The following DMD variants were observed in gnomAD, a reference collection of about 807,000 sequenced individuals.
DMD encodes the protein mutant dystrophin.
DMD carries 63 observed loss-of-function variants against 330.1 expected under a neutral mutation model. The ratio of observed to expected loss-of-function variants is 0.19; its 90% CI spans 0.16 to 0.24. The LOEUF is 0.24. Ranked by LOEUF, DMD falls within the 10% of genes least tolerant of loss-of-function variation. DMD has a pLI of 1.00. For synonymous variants in DMD, 1,223 were observed against 959.8 expected (o/e 1.27, Z -5.07); for missense variants, 3,344 against 2,684.1 (o/e 1.25, Z -5.43).
intron 55 of DMD, among the ~76,000 whole-genome samples, chrX:31,606,615 G>A (rs776730240): frequency 9.9e-5 from 11 of 111,477 alleles, no homozygotes; most frequent in East Asian, 5.7e-4. Flanking sequence ...TAAAACCCAC[G>A]GCTTTTATTT....
intron 29 of DMD, among the ~76,000 whole-genome samples, chrX:32,431,370 T>A (rs368163653): frequency 8.9e-6 from 1 of 111,833 alleles, no homozygotes; most frequent in African/African-American, 3.2e-5. Context: ...TAGGTCTTCA[T>A]TGAAGAAATG....
intron 44 of DMD, 69 bp from the exon 45 acceptor site, chrX:31,968,583 A>C: frequency 9.3e-7 from 1 of 1,074,715 alleles, no homozygotes; most frequent in Non-Finnish European, 1.3e-6. Context: ...AAGATTAAAC[A>C]GTGTGCTACC....
chrX:31,560,549 C>T (rs1357241488), intron 55 of DMD, among the ~76,000 whole-genome samples: 1 of 111,104 alleles, frequency 9.0e-6, no homozygotes, highest in African/African-American at 3.3e-5. Context: ...ACTTATATTA[C>T]GGATAGGGAC....
rs778284487 is a variant in DMD at position 33,216,718 on chromosome X, A to G, written c.7+122541T>C. 6.2e-5 allele frequency among the ~76,000 whole-genome samples: 7 copies of G among 112,124 alleles called. No individual in the cohort carries two copies. The East Asian group carries it at 2.0e-3, about 31-fold the overall frequency. On this transcript the variant is annotated intron_variant, in intron 1 of 17. Coordinates refer to the DMD transcript ENST00000288447. ...AATTTTTATTACAGTGAACTCATAC[A>G]CATTTTTTTAAATTACTTTTTTTTG...
chrX:32,056,712 C>A (rs1792883084), intron 44 of DMD, among the ~76,000 whole-genome samples: 1 of 110,852 alleles, frequency 9.0e-6, no homozygotes, highest in African/African-American at 3.3e-5. Context: ...GAATTAACAC[C>A]AATCCTTCTC....
At position 31,786,171 on chromosome X, in the gene DMD, C is replaced by A. The variant is rs980422909; in HGVS notation, c.7310-11979G>T. 3.6e-5 allele frequency among the ~76,000 whole-genome samples: 4 copies of A among 111,549 alleles called. No individual in the cohort carries two copies. The East Asian group carries it at 8.5e-4, about 24-fold the overall frequency. On this transcript the variant is annotated intron_variant, in intron 50 of 78. Coordinates refer to ENST00000357033, the MANE Select transcript of DMD (RefSeq NM_004006.3). Reference sequence around the variant, plus strand: ...ACTGATGTGAGATGGTATCTCATTGCGGTTTTGATTTGCATTTCTCTAATG... The same window carrying A: ...ACTGATGTGAGATGGTATCTCATTGAGGTTTTGATTTGCATTTCTCTAATG...
chrX:31,883,162 T>G, intron 47 of DMD, among the ~76,000 whole-genome samples: 1 of 111,691 alleles, frequency 9.0e-6, no homozygotes, highest in South Asian at 3.8e-4. Flanking sequence ...GCACAGGCAA[T>G]AGCATAGAAT....
At chrX:32,622,987 C>T (rs996113206) in intron 11 of DMD, among the ~76,000 whole-genome samples, 2 of 111,479 alleles carry the variant, frequency 1.8e-5, no homozygotes, top group South Asian at 3.8e-4. Flanking sequence ...GGTATGTGTT[C>T]GATCTATTAG....
At chrX:32,412,050 G>T in intron 29 of DMD, 137 bp from the exon 30 acceptor site, 1 of 1,189,973 alleles carries the variant, frequency 8.4e-7, no homozygotes, top group Non-Finnish European at 1.1e-6. Context: ...CAGCTTCCTG[G>T]CACTCATTCA....
intron 1 of DMD, among the ~76,000 whole-genome samples, chrX:33,082,783 T>C (rs1162961548): frequency 8.9e-6 from 1 of 111,989 alleles, no homozygotes; most frequent in Non-Finnish European, 1.9e-5. Flanking sequence ...CAGAGAAATT[T>C]CATAGAGTAT....
intron 62 of DMD, among the ~76,000 whole-genome samples, chrX:31,293,140 C>T: frequency 1.2e-5 from 1 of 85,209 alleles, no homozygotes. Context: ...TTCTCTCTCT[C>T]TCTCTCACCA....
rs187986079 is a variant in DMD, at chrX:32,580,097, A to G, written c.1603-6251T>C. Among the ~76,000 whole-genome samples the G allele has an allele frequency of 2.9e-3, 319 of 109,869 alleles. 1 individual carries two copies. The highest frequency in any genetic ancestry group is 5.0e-3 in the Non-Finnish European group (263 of 52,672). ...TCAATTGGGATACCAGAAAATAAAG[A>G]GCAGGAGTTCTAAGGAGCATTCCAG... On this transcript the variant is annotated intron_variant, in intron 13 of 78. Transcript: ENST00000357033.
intron 9 of DMD, among the ~76,000 whole-genome samples, chrX:32,678,656 T>A (rs2062141448): frequency 9.0e-6 from 1 of 111,215 alleles, no homozygotes; most frequent in Non-Finnish European, 1.9e-5. Context: ...TGTGATCCCT[T>A]CTCTACTCCT....
chrX:32,734,540 G>T (rs1254650650), intron 7 of DMD, among the ~76,000 whole-genome samples: 1 of 104,935 alleles, frequency 9.5e-6, no homozygotes, highest in Non-Finnish European at 1.9e-5. Context: ...AACGAATCCA[G>T]CAGCACATCA....
At chrX:32,088,824 T>C (rs986001471) in intron 44 of DMD, among the ~76,000 whole-genome samples, 4 of 110,602 alleles carry the variant, frequency 3.6e-5, no homozygotes, top group African/African-American at 9.9e-5. Context: ...ATGACACATA[T>C]AAATAAACCA....
chrX:31,755,261 T>C (rs1320683195), intron 51 of DMD, among the ~76,000 whole-genome samples: 2 of 112,219 alleles, frequency 1.8e-5, no homozygotes, highest in African/African-American at 6.5e-5. Context: ...TTGAGAGCAA[T>C]TCCTCATCTC....
At chrX:32,304,585 A>G (rs771997035) in intron 42 of DMD, among the ~76,000 whole-genome samples, 1 of 111,499 alleles carries the variant, frequency 9.0e-6, no homozygotes, top group East Asian at 2.8e-4. Flanking sequence ...CTTTTCATAT[A>G]ATACAAATGA....
intron 59 of DMD, among the ~76,000 whole-genome samples, chrX:31,458,898 G>T (rs1251556237): frequency 9.0e-6 from 1 of 110,665 alleles, no homozygotes; most frequent in Non-Finnish European, 1.9e-5. Flanking sequence ...AAAAAAAATT[G>T]AGATGGTTCC....
chrX:31,147,235 G>T, intron 75 of DMD, 40 bp downstream of exon 75: 4 of 1,209,687 alleles, frequency 3.3e-6, no homozygotes, highest in Non-Finnish European at 4.5e-6. Context: ...GTTTAAGAGG[G>T]AAAAATGAAT....
Sources: gnomAD v4.1 joint callset for allele counts (sites outside exome capture counted in the v4.1 genomes callset) on GRCh38, gnomAD v4.1.1 for gene constraint, MANE v1.5 for transcripts, NCBI Gene and HGNC (gene_info 2026-07-23, HGNC 2026-07-21) for gene names.